Variants in SLC35F4 observed in about 807,000 individuals in gnomAD.
SLC35F4 encodes the protein chromosome 14 open reading frame 36.
A neutral mutation model predicts 44.2 loss-of-function variants in SLC35F4; 24 were observed. The ratio of observed to expected loss-of-function variants is 0.54; its 90% confidence interval spans 0.39 to 0.76. SLC35F4 has a LOEUF of 0.76. Among genes scored for constraint, SLC35F4 ranks in the 30% least tolerant of loss-of-function variants. The probability of loss-of-function intolerance (pLI) is 0.00; values close to 1 mark genes in which losing one functional copy is unlikely to be tolerated. For synonymous variants in SLC35F4, 238 were observed against 223.6 expected, an observed-to-expected ratio of 1.06 and a Z score of -0.57; for missense variants, 562 against 586.1, an observed-to-expected ratio of 0.96 and a Z score of 0.42.
At chr14:57,784,008 A>G (rs553596272) in intron 1 of SLC35F4, among the ~76,000 whole-genome samples, 1 of 152,342 alleles carries the variant, frequency 6.6e-6, no homozygotes, top group South Asian at 2.1e-4. Context: ...TGCTGAAAAA[A>G]CTGTCTGATG....
chr14:57,725,588 A>G (rs1211259359), intron 1 of SLC35F4, among the ~76,000 whole-genome samples: 1 of 152,202 alleles, frequency 6.6e-6, no homozygotes, highest in African/African-American at 2.4e-5. Flanking sequence ...CTCACTTTAC[A>G]GCAAAAGAAG....
intron 1 of SLC35F4, among the ~76,000 whole-genome samples, chr14:57,669,228 G>A (rs1389950189): frequency 6.6e-6 from 1 of 151,780 alleles, no homozygotes; most frequent in African/African-American, 2.4e-5. Context: ...AGGAGATTTT[G>A]GGCTGAGACA....
chr14:57,573,211 C>T (rs1052756440), intron 4 of SLC35F4, among the ~76,000 whole-genome samples: 1 of 152,170 alleles, frequency 6.6e-6, no homozygotes, highest in Non-Finnish European at 1.5e-5. Context: ...TTCCCAATTA[C>T]ATAGAATTCA....
At chr14:57,944,755 A>AAAGG (rs1566508883) in intron 1 of SLC35F4, among the ~76,000 whole-genome samples, 7 of 145,116 alleles carry the variant, frequency 4.8e-5, no homozygotes, top group African/African-American at 1.5e-4. Context: ...AAGAAAGAAG[A>AAAGG]AAGGAAGAAA....
intron 1 of SLC35F4, among the ~76,000 whole-genome samples, chr14:57,920,735 A>G (rs2141057674): frequency 6.6e-6 from 1 of 152,358 alleles, no homozygotes; most frequent in African/African-American, 2.4e-5. Context: ...TAACCAGTCT[A>G]TAGAAATAAA....
intron 1 of SLC35F4, among the ~76,000 whole-genome samples, chr14:57,789,014 G>A (rs2077842141): frequency 1.3e-5 from 2 of 152,204 alleles, no homozygotes; most frequent in South Asian, 4.1e-4. Context: ...CTAAAGCAGT[G>A]TTTAGAGGGA....
Position 57,600,618 on chromosome 14 carries a change from G to A in SLC35F4, c.104-6494C>T, listed in dbSNP as rs1244303233. On this transcript the variant is annotated intron_variant, in intron 1 of 7. Transcript: ENST00000556826. ...GAGGCAGGAGAATGGCGTGAACCCGGGAGGCGGAGCTTGCAGTGAGCCGAG... is the reference window on the plus strand; with the variant it reads ...GAGGCAGGAGAATGGCGTGAACCCGAGAGGCGGAGCTTGCAGTGAGCCGAG... Among the ~76,000 whole-genome samples, 215 of 140,588 alleles carry A rather than the reference G, an allele frequency of 1.5e-3. 1 individual carries two copies. The highest frequency in any genetic ancestry group is 7.3e-3 in the Middle Eastern group (2 of 274). The allele number at this position is 140,588 out of a possible 152,430, so 92.2% of individuals were successfully genotyped here.
At chr14:57,847,658 T>C (rs1236684064) in intron 1 of SLC35F4, among the ~76,000 whole-genome samples, 1 of 152,210 alleles carries the variant, frequency 6.6e-6, no homozygotes, top group African/African-American at 2.4e-5. Context: ...ATAAACCTTA[T>C]GTGTACAGCT....
At chr14:57,690,382 T>C (rs1458272674) in intron 1 of SLC35F4, among the ~76,000 whole-genome samples, 2 of 152,132 alleles carry the variant, frequency 1.3e-5, no homozygotes, top group Non-Finnish European at 2.9e-5. Flanking sequence ...AAAATTCAAC[T>C]GGGCTAGATT....
intron 1 of SLC35F4, among the ~76,000 whole-genome samples, chr14:57,893,723 C>T (rs1888818843): frequency 6.6e-6 from 1 of 152,142 alleles, no homozygotes; most frequent in African/African-American, 2.4e-5. Flanking sequence ...AGTTTCAATC[C>T]CAACCAACTT....
At chr14:57,914,436 G>T (rs808218) in intron 1 of SLC35F4, among the ~76,000 whole-genome samples, 43 of 152,042 alleles carry the variant, frequency 2.8e-4, no homozygotes, top group African/African-American at 1.0e-3. Flanking sequence ...GGTGGCGGGC[G>T]CCTGTAGTCT....
At chr14:57,936,289 T>G (rs1039015097) in intron 1 of SLC35F4, among the ~76,000 whole-genome samples, 15 of 152,330 alleles carry the variant, frequency 9.8e-5, no homozygotes, top group African/African-American at 3.6e-4. Context: ...ACAAAAAGGA[T>G]AAGCCTACAG....
At position 57,626,404 on chromosome 14, in the gene SLC35F4, A is replaced by C. The variant is rs182927919; in HGVS notation, c.104-32280T>G. Among the ~76,000 whole-genome samples, 349 of 151,830 alleles carry C rather than the reference A, an allele frequency of 2.3e-3. 2 individuals carry two copies. The highest frequency in any genetic ancestry group is 6.9e-3 in the Middle Eastern group (2 of 290). ...AAAAAAATTCAGTCATATAGAAAGCATCAGCGATGTCTTTTTTCTATACAA... is the reference window on the plus strand; with the variant it reads ...AAAAAAATTCAGTCATATAGAAAGCCTCAGCGATGTCTTTTTTCTATACAA... On this transcript the variant is annotated intron_variant, in intron 1 of 7. Coordinates refer to ENST00000556826, the MANE Select transcript of SLC35F4 (RefSeq NM_001306087.2).
At chr14:57,905,117 C>A (rs576072494) in intron 1 of SLC35F4, among the ~76,000 whole-genome samples, 1 of 152,310 alleles carries the variant, frequency 6.6e-6, no homozygotes, top group African/African-American at 2.4e-5. Context: ...AGTTAGACAT[C>A]CACTGGAAGT....
At chr14:57,655,472 TTA>T (rs1302777837) in intron 1 of SLC35F4, among the ~76,000 whole-genome samples, 1 of 152,060 alleles carries the variant, frequency 6.6e-6, no homozygotes, top group Non-Finnish European at 1.5e-5. Context: ...CTGTGGAGTC[TTA>T]TCCCATCACT....
chr14:57,760,871 T>A (rs1161731928), intron 1 of SLC35F4, among the ~76,000 whole-genome samples: 1 of 152,176 alleles, frequency 6.6e-6, no homozygotes, highest in Non-Finnish European at 1.5e-5. Flanking sequence ...TCCTCACATG[T>A]TTATAATCAT....
intron 1 of SLC35F4, among the ~76,000 whole-genome samples, chr14:57,882,070 G>A (rs1393894388): frequency 6.6e-6 from 1 of 152,124 alleles, no homozygotes; most frequent in African/African-American, 2.4e-5. Context: ...TAGTCCACCT[G>A]TAGCCCCTGC....
At chr14:57,893,698 G>A (rs560663754) in intron 1 of SLC35F4, among the ~76,000 whole-genome samples, 1 of 152,102 alleles carries the variant, frequency 6.6e-6, no homozygotes, top group South Asian at 2.1e-4. Context: ...GCAACAGAGG[G>A]GCACCAAGCT....
Position 57,724,750 on chromosome 14 carries a change from G to A in SLC35F4, c.104-130626C>T, listed in dbSNP as rs139521953. On this transcript the variant is annotated intron_variant, in intron 1 of 7. Transcript: ENST00000556826. ...GCTTGGTTCACAGATGGTTCTGCAC[G>A]ATATGCAGGCACCACTCGGAAGTAG... Among the ~76,000 whole-genome samples the A allele has an allele frequency of 4.3e-3, 652 of 152,260 alleles. 6 individuals are homozygous for A. Among genetic ancestry groups the A allele is most frequent in the African/African-American group, 0.015 (603 of 41,540 alleles).
Sources: allele counts gnomAD v4.1 joint callset (sites outside exome capture counted in the v4.1 genomes callset), GRCh38; gene constraint gnomAD v4.1.1; transcripts MANE v1.5; gene names NCBI Gene and HGNC (gene_info 2026-07-23, HGNC 2026-07-21).